MLIP: variants seen among roughly 807,000 people sequenced by gnomAD.
The protein encoded by MLIP is muscular LMNA interacting protein.
MLIP carries 79 observed loss-of-function variants against 84.8 expected under a neutral mutation model. The observed-to-expected ratio is 0.93, with a 90% CI of 0.78 to 1.12. The LOEUF is 1.12. Ranked by LOEUF, MLIP falls within the 50% of genes most tolerant of loss-of-function variation. The pLI, the probability that MLIP is intolerant of heterozygous loss-of-function variation, is 0.00. For missense variants in MLIP, 1,257 were observed against 1,160.6 expected (o/e 1.08, Z -1.21); for synonymous variants, 504 against 463.0 (o/e 1.09, Z -1.14).
chr6:54,212,452 A>T (rs1779524080), intron 11 of MLIP, among the ~76,000 whole-genome samples: 1 of 152,132 alleles, frequency 6.6e-6, no homozygotes, highest in Non-Finnish European at 1.5e-5. Context: ...ATGTTTGGAG[A>T]GATGGAAAGT....
intron 1 of MLIP, among the ~76,000 whole-genome samples, chr6:54,054,561 C>G (rs1765545164): frequency 6.6e-6 from 1 of 152,056 alleles, no homozygotes; most frequent in African/African-American, 2.4e-5. Context: ...CACTCTGTTC[C>G]TATCCATATT....
intron 11 of MLIP, among the ~76,000 whole-genome samples, chr6:54,221,298 C>T (rs541904299): frequency 2.8e-4 from 42 of 151,852 alleles, no homozygotes; most frequent in Non-Finnish European, 5.4e-4. Flanking sequence ...AAAAACATCT[C>T]GTCCAGGAAA....
intron 1 of MLIP, among the ~76,000 whole-genome samples, chr6:54,050,135 C>T (rs1765292610): frequency 6.6e-6 from 1 of 152,036 alleles, no homozygotes; most frequent in Non-Finnish European, 1.5e-5. Flanking sequence ...GCTCTAGTGT[C>T]TATTTAAATT....
chr6:54,130,114 T>C (rs1771260381), intron 3 of MLIP, among the ~76,000 whole-genome samples: 1 of 152,162 alleles, frequency 6.6e-6, no homozygotes, highest in Non-Finnish European at 1.5e-5. Context: ...AGAATTTTTA[T>C]GAATCAGTGA....
intron 1 of MLIP, among the ~76,000 whole-genome samples, chr6:54,057,316 A>T (rs1408393645): frequency 6.6e-6 from 1 of 152,232 alleles, no homozygotes; most frequent in African/African-American, 2.4e-5. Flanking sequence ...AAGGTTTCTA[A>T]GTTCAGTAGT....
At chr6:54,118,798 A>C (rs565948929) in intron 1 of MLIP, among the ~76,000 whole-genome samples, 1 of 152,318 alleles carries the variant, frequency 6.6e-6, no homozygotes, top group African/African-American at 2.4e-5. Flanking sequence ...AAAAATATTA[A>C]AAAAACCTCA....
intron 10 of MLIP, among the ~76,000 whole-genome samples, chr6:54,198,163 C>T (rs1021595350): frequency 8.5e-5 from 13 of 152,050 alleles, no homozygotes; most frequent in African/African-American, 2.4e-4. Context: ...GTACATGAAT[C>T]GCTTAGGGAT....
chr6:54,142,798 G>C (rs1182640850), intron 4 of MLIP, among the ~76,000 whole-genome samples: 1 of 151,996 alleles, frequency 6.6e-6, no homozygotes, highest in African/African-American at 2.4e-5. Context: ...GATGATGGTG[G>C]CTATGGTCAA....
At chr6:54,196,182 T>G (rs896221151) in intron 10 of MLIP, among the ~76,000 whole-genome samples, 26 of 152,096 alleles carry the variant, frequency 1.7e-4, no homozygotes, top group African/African-American at 6.3e-4. Context: ...AGCACCTTTT[T>G]TTAAAAAAAA....
chr6:54,169,877 G>T (rs1012241139), intron 9 of MLIP, among the ~76,000 whole-genome samples: 3 of 151,580 alleles, frequency 2.0e-5, no homozygotes, highest in Non-Finnish European at 4.4e-5. Flanking sequence ...TTTTTGTAAT[G>T]GTTTATTATG....
intron 1 of MLIP, among the ~76,000 whole-genome samples, chr6:54,075,242 C>T (rs1166639529): frequency 6.0e-5 from 6 of 100,604 alleles, no homozygotes; most frequent in East Asian, 2.3e-4. Context: ...AGCCAAACTC[C>T]GTCTCAAAAA....
intron 12 of MLIP, among the ~76,000 whole-genome samples, chr6:54,251,698 T>C (rs538531279): frequency 1.4e-3 from 129 of 95,292 alleles, no homozygotes; most frequent in African/African-American, 7.3e-3. Flanking sequence ...ATATATATTA[T>C]AACATATGAT....
In MLIP at chr6:54,189,898, T is replaced by C. The variant is rs750706420; in HGVS notation, c.2573T>C (p.Val858Ala). 6 of 1,603,702 alleles carry C rather than the reference T, an allele frequency of 3.7e-6. No individual in the cohort carries two copies. The highest frequency in any genetic ancestry group is 8.5e-7 in the Non-Finnish European group (1 of 1,171,186). Residue 858 changes from valine (V) to alanine (A), a missense_variant, in exon 10 of 14, where the codon GTA becomes GCA. Val to Ala is a moderately conservative substitution (Grantham distance 64, BLOSUM62 0). Transcript: ENST00000502396. Reference sequence around the variant, plus strand: ...AATCTCTCCTCACCATCTTCTACAGTATCTGAGAGTCAGCTGGTATGTATC... The same window carrying C: ...AATCTCTCCTCACCATCTTCTACAGCATCTGAGAGTCAGCTGGTATGTATC... ...YANLSSPSST[V>A]SESQLTKPGV...
Position 54,027,754 on chromosome 6 carries a change from G to C in MLIP, c.63+8663G>C, listed in dbSNP as rs574467013. ...ACTTTATGGTTCAAATCAAGTTCTCGAAGCCATCCAGCCCTTTGAAAACCA... is the reference window on the plus strand; with the variant it reads ...ACTTTATGGTTCAAATCAAGTTCTCCAAGCCATCCAGCCCTTTGAAAACCA... On this transcript the variant is annotated intron_variant, in intron 1 of 12. Transcript: ENST00000274897. Among the ~76,000 whole-genome samples the C allele has an allele frequency of 2.6e-5, 4 of 152,120 alleles. No homozygotes were observed. In the East Asian group the frequency reaches 7.7e-4, roughly 29 times the overall value.
At chr6:54,115,143 C>T (rs1275844343) in intron 1 of MLIP, among the ~76,000 whole-genome samples, 2 of 151,836 alleles carry the variant, frequency 1.3e-5, no homozygotes, top group African/African-American at 4.9e-5. Flanking sequence ...CTTCTTGAGG[C>T]TCAGAGTGGT....
intron 4 of MLIP, 89 bp downstream of exon 4, chr6:54,138,375 G>A (rs1423897260): frequency 4.3e-6 from 6 of 1,407,112 alleles, no homozygotes; most frequent in Non-Finnish European, 5.6e-6. Flanking sequence ...AATAATTATA[G>A]TATTAATTGT....
Position 54,124,686 on chromosome 6 carries a change from A to T in MLIP, c.466A>T (p.Lys156Ter). The change falls in exon 3 of 14, where the codon AAA (lysine) becomes TAA (stop). Residue 156 changes from lysine to a stop codon, truncating the protein, a stop_gained. Transcript: ENST00000502396. LOFTEE classifies it high-confidence loss of function. ...SEGEDEAASR[K>*]VEQGPPGGIG... ...AGGGGAAGATGAGGCTGCAAGCAGA[A>T]AAGTTGAACAAGGCCCCCCAGGGGG... The T allele has an allele frequency of 6.2e-7, 1 of 1,614,212 alleles. No homozygotes were observed. The highest frequency in any genetic ancestry group is 8.5e-7 in the Non-Finnish European group (1 of 1,180,032).
At chr6:54,099,462 G>A (rs1414800154) in intron 1 of MLIP, 2 of 151,892 alleles carry the variant, frequency 1.3e-5, no homozygotes, top group Admixed American at 1.3e-4. Flanking sequence ...TTTTCACATA[G>A]TTTGAAGGCT....
At chr6:54,117,693 TC>T (rs1182824724) in intron 1 of MLIP, among the ~76,000 whole-genome samples, 1 of 150,612 alleles carries the variant, frequency 6.6e-6, no homozygotes, top group Non-Finnish European at 1.5e-5. Context: ...ACACCTGTAA[TC>T]CCAGCACTTT....
Sources: gnomAD v4.1 joint callset for allele counts (sites outside exome capture counted in the v4.1 genomes callset) on GRCh38, gnomAD v4.1.1 for gene constraint, MANE v1.5 for transcripts, NCBI Gene and HGNC (gene_info 2026-07-23, HGNC 2026-07-21) for gene names.